Variants in FGD3 observed in about 807,000 individuals in gnomAD.
The protein encoded by FGD3 is FYVE, RhoGEF and PH domain-containing protein 3.
In FGD3, 45 loss-of-function variants were observed where a neutral mutation model predicts 71.8. That is an observed-to-expected ratio of 0.63 (90% CI 0.49 to 0.80). FGD3 has a LOEUF of 0.80. Ranked by LOEUF, FGD3 falls within the 30% of genes least tolerant of loss-of-function variation. The pLI, the probability that FGD3 is intolerant of heterozygous loss-of-function variation, is 0.00. For synonymous variants in FGD3, 378 were observed against 392.8 expected, an observed-to-expected ratio of 0.96 and a Z score of 0.44; for missense variants, 844 against 951.5, an observed-to-expected ratio of 0.89 and a Z score of 1.49.
At position 93,035,365 on chromosome 9, in the gene FGD3, C is replaced by A; in HGVS notation, c.1954C>A (p.Leu652Ile). The change falls in exon 18 of 18, where the codon CTC (leucine) becomes ATC (isoleucine). Residue 652 changes from leucine to isoleucine, a missense_variant. Leu to Ile is a conservative substitution (Grantham distance 5). Transcript: ENST00000375482. Reference sequence around the variant, plus strand: ...CGGCCGGCTGCCCCGCACCATCCCTCTCCCCAGCTGCAAACTGAGTGTGCC... The same window carrying A: ...CGGCCGGCTGCCCCGCACCATCCCTATCCCCAGCTGCAAACTGAGTGTGCC... ...QDGRLPRTIP[L>I]PSCKLSVPDP... The A allele has an allele frequency of 6.2e-7, 1 of 1,610,654 alleles. No individual in the cohort carries two copies. The highest frequency in any genetic ancestry group is 8.5e-7 in the Non-Finnish European group (1 of 1,178,930).
chr9:92,994,183 C>T (rs1355957617), intron 3 of FGD3, among the ~76,000 whole-genome samples: 4 of 152,136 alleles, frequency 2.6e-5, no homozygotes, highest in Admixed American at 1.3e-4. Context: ...TGGTATCTCA[C>T]GGTGGTTTTG....
At chr9:92,996,571 G>A (rs1054760549) in intron 3 of FGD3, among the ~76,000 whole-genome samples, 7 of 151,932 alleles carry the variant, frequency 4.6e-5, no homozygotes, top group African/African-American at 1.4e-4. Flanking sequence ...GTGATGTTAG[G>A]GTGTCCATTT....
chr9:92,998,557 AT>A (rs1860737161), intron 3 of FGD3, among the ~76,000 whole-genome samples: 1 of 152,058 alleles, frequency 6.6e-6, no homozygotes, highest in Admixed American at 6.6e-5. Context: ...AGGTGCTCTG[AT>A]TTTTAGAATT....
chr9:92,948,878 T>G (rs1858902984), intron 1 of FGD3, among the ~76,000 whole-genome samples: 1 of 152,172 alleles, frequency 6.6e-6, no homozygotes, highest in African/African-American at 2.4e-5. Context: ...CCCAGCTCAT[T>G]CACTGAGAGT....
Position 92,956,357 on chromosome 9 carries a change from C to G in FGD3, c.-218+8628C>G, listed in dbSNP as rs893625733. Among the ~76,000 whole-genome samples the G allele has an allele frequency of 2.0e-5, 3 of 152,144 alleles. No individual in the cohort carries two copies. In the East Asian group the frequency reaches 5.8e-4, roughly 29 times the overall value. ...GGGACTATTATGGGCCTGACTATGT[C>G]CCTGCAAAATACATGTTGAAGCCCT... On this transcript the variant is annotated intron_variant, in intron 1 of 17. Coordinates refer to ENST00000375482, the MANE Select transcript of FGD3 (RefSeq NM_001083536.2).
chr9:93,014,438 G>A (rs773422862), intron 9 of FGD3, among the ~76,000 whole-genome samples: 2 of 152,030 alleles, frequency 1.3e-5, no homozygotes, highest in African/African-American at 2.4e-5. Flanking sequence ...CCATGGCGCG[G>A]TAGAAACAGA....
chr9:93,012,015 A>G (rs1191860299), intron 8 of FGD3, among the ~76,000 whole-genome samples: 1 of 148,844 alleles, frequency 6.7e-6, no homozygotes. Flanking sequence ...AAAATTGGGC[A>G]TGGTGGCAGG....
At chr9:93,022,737 T>C (rs1861972499) in intron 14 of FGD3, among the ~76,000 whole-genome samples, 2 of 152,134 alleles carry the variant, frequency 1.3e-5, no homozygotes, top group Admixed American at 1.3e-4. Context: ...ACATTTATGC[T>C]CTTAACATGT....
At chr9:92,967,396 A>G (rs1388514920) in intron 1 of FGD3, among the ~76,000 whole-genome samples, 2 of 151,940 alleles carry the variant, frequency 1.3e-5, no homozygotes, top group African/African-American at 2.4e-5. Flanking sequence ...AACCCTCTCC[A>G]TTCCCTCCCC....
intron 3 of FGD3, among the ~76,000 whole-genome samples, chr9:92,983,084 T>TA (rs113665774): frequency 2.8e-4 from 40 of 144,348 alleles, no homozygotes; most frequent in African/African-American, 3.0e-4. Context: ...AGACTCTGTC[T>TA]AAAAAAAAAA....
At chr9:93,033,267 G>A (rs1323119117) in intron 16 of FGD3, 1 of 316,528 alleles carries the variant, frequency 3.2e-6, no homozygotes, top group Non-Finnish European at 6.2e-6. Context: ...GCAGGGCCCT[G>A]GAGGCAGGCA....
chr9:93,030,224 C>T (rs1400776871), intron 15 of FGD3, among the ~76,000 whole-genome samples: 1 of 152,204 alleles, frequency 6.6e-6, no homozygotes, highest in Non-Finnish European at 1.5e-5. Flanking sequence ...ACAAACACTA[C>T]TTGTGGTTGA....
Position 93,006,137 on chromosome 9 carries a change from C to T in FGD3, c.794C>T (p.Thr265Ile), listed in dbSNP as rs200710978. Residue 265 changes from threonine to isoleucine, a missense_variant, in exon 6 of 18, where the codon ACC (threonine) becomes ATC (isoleucine). By Grantham distance (89) the Thr-to-Ile change is moderately conservative (BLOSUM62 -1). Coordinates refer to ENST00000375482, the MANE Select transcript of FGD3 (RefSeq NM_001083536.2). Reference protein sequence around the residue: ...DRAVGLVSTWTQRSPLFKDVV... With the variant: ...DRAVGLVSTWIQRSPLFKDVV... ...GCCGTAGGGCTGGTGAGCACGTGGA[C>T]CCAGCGCTCCCCACTGTTTAAAGAC... The T allele has an allele frequency of 2.5e-4, 396 of 1,610,658 alleles. No individual in the cohort carries two copies. The highest frequency in any genetic ancestry group is 3.2e-4 in the Non-Finnish European group (382 of 1,178,354).
Position 92,976,672 on chromosome 9 carries a change from C to A in FGD3, c.416C>A (p.Thr139Asn), listed in dbSNP as rs773864228. The A allele has an allele frequency of 1.2e-6, 2 of 1,606,130 alleles. No individual in the cohort carries two copies. The highest frequency in any genetic ancestry group is 8.5e-7 in the Non-Finnish European group (1 of 1,176,222). ...GGTGAGGAACCTGACTCTGAGAACA[C>A]CCCCCAGAAGGCTGACAAGGATGCC... ...DVGEEPDSENTPQKADKDAGL... is the reference protein window; with the variant it reads ...DVGEEPDSENNPQKADKDAGL... The change falls in exon 3 of 18, where the codon ACC (threonine) becomes AAC (asparagine). Residue 139 changes from threonine to asparagine, a missense_variant. Thr to Asn is a moderately conservative substitution (Grantham distance 65). Transcript: ENST00000375482.
intron 13 of FGD3, among the ~76,000 whole-genome samples, chr9:93,020,749 G>A (rs568291440): frequency 6.6e-6 from 1 of 152,358 alleles, no homozygotes; most frequent in Admixed American, 6.5e-5. Flanking sequence ...GTGAGGCACA[G>A]AAACAGCTGG....
At chr9:93,009,970 A>G (rs1861241604) in intron 6 of FGD3, among the ~76,000 whole-genome samples, 1 of 152,176 alleles carries the variant, frequency 6.6e-6, no homozygotes, top group African/African-American at 2.4e-5. Context: ...CTGTCCAGGC[A>G]TTTATTTTCT....
intron 14 of FGD3, among the ~76,000 whole-genome samples, chr9:93,028,222 ACACACACACACACACCC>A (rs1862206630): frequency 8.3e-6 from 1 of 120,704 alleles, no homozygotes; most frequent in Admixed American, 8.5e-5. Context: ...ACACACGCAC[ACACACACACACACACCC>A]CAATTTTCTG....
chr9:93,029,850 T>A, intron 14 of FGD3, 24 bp from the exon 15 acceptor site: 2 of 1,608,114 alleles, frequency 1.2e-6, no homozygotes, highest in Non-Finnish European at 1.7e-6. Context: ...CAGAAGCTGA[T>A]GGCATCTATT....
intron 1 of FGD3, among the ~76,000 whole-genome samples, chr9:92,957,732 G>A (rs1236493922): frequency 7.0e-6 from 1 of 142,714 alleles, no homozygotes; most frequent in Non-Finnish European, 1.5e-5. Context: ...AGGCTGGAGT[G>A]CAGCAGTAGC....
Sources: allele counts gnomAD v4.1 joint callset (sites outside exome capture counted in the v4.1 genomes callset), GRCh38; gene constraint gnomAD v4.1.1; transcripts MANE v1.5; gene names NCBI Gene and HGNC (gene_info 2026-07-23, HGNC 2026-07-21).